Variants in HIVEP3 observed in about 807,000 individuals in gnomAD.
HIVEP3 encodes the protein transcription factor HIVEP3.
In HIVEP3, 49 loss-of-function variants were observed where a neutral mutation model predicts 152.8. The ratio of observed to expected loss-of-function variants is 0.32; its 90% CI spans 0.26 to 0.41. The LOEUF is 0.41. HIVEP3 is among the 10% of genes least tolerant of loss of function. The pLI is 1.00. For synonymous variants in HIVEP3, 1,269 were observed against 1,289.0 expected (o/e 0.98, Z 0.33); for missense variants, 2,790 against 3,103.3 (o/e 0.90, Z 2.40).
intron 1 of HIVEP3, among the ~76,000 whole-genome samples, chr1:41,827,101 C>T (rs541387694): frequency 3.3e-5 from 5 of 152,182 alleles, no homozygotes; most frequent in African/African-American, 7.2e-5. Flanking sequence ...ATGGTCACCA[C>T]GCTGCCCCAG....
intron 3 of HIVEP3, among the ~76,000 whole-genome samples, chr1:41,597,525 C>T (rs998146161): frequency 2.0e-5 from 3 of 152,158 alleles, no homozygotes; most frequent in African/African-American, 4.8e-5. Flanking sequence ...ACCCTTCAGG[C>T]GGGTACTATT....
chr1:41,636,959 C>CA (rs56258158), intron 2 of HIVEP3, among the ~76,000 whole-genome samples: 6,217 of 126,960 alleles, frequency 0.049, 503 homozygotes, highest in African/African-American at 0.16. Flanking sequence ...AACTCCATCT[C>CA]AAAAAAAAAA....
At chr1:41,516,855 CA>C (rs1011117015) in intron 7 of HIVEP3, among the ~76,000 whole-genome samples, 28 of 152,258 alleles carry the variant, frequency 1.8e-4, no homozygotes, top group Admixed American at 1.8e-3. Context: ...CCCTGTCTAG[CA>C]CAGCGGCCCT....
intron 2 of HIVEP3, among the ~76,000 whole-genome samples, chr1:41,636,930 G>A (rs1366053340): frequency 7.0e-6 from 1 of 142,202 alleles, no homozygotes; most frequent in Non-Finnish European, 1.5e-5. Flanking sequence ...TTGCACTCCA[G>A]CCTGGGCAAC....
At chr1:41,733,243 G>A (rs1646868393) in intron 1 of HIVEP3, among the ~76,000 whole-genome samples, 2 of 152,206 alleles carry the variant, frequency 1.3e-5, no homozygotes, top group African/African-American at 2.4e-5. Flanking sequence ...TGGGGAAGAT[G>A]AGAACACAAG....
At chr1:41,705,510 A>C (rs1234598207) in intron 1 of HIVEP3, among the ~76,000 whole-genome samples, 1 of 152,226 alleles carries the variant, frequency 6.6e-6, no homozygotes, top group East Asian at 1.9e-4. Context: ...ACTTCCAAAA[A>C]GGATGTGAGG....
At chr1:41,912,709 G>T (rs1268563367) in intron 1 of HIVEP3, among the ~76,000 whole-genome samples, 1 of 152,218 alleles carries the variant, frequency 6.6e-6, no homozygotes, top group Non-Finnish European at 1.5e-5. Flanking sequence ...CTCTTGCTAA[G>T]ATTTCAATGG....
At position 41,584,606 on chromosome 1, in the gene HIVEP3, TG is replaced by T; in HGVS notation, c.191del (p.Ser64Ter). The T allele has an allele frequency of 6.2e-7, 1 of 1,612,214 alleles. No individual in the cohort carries two copies. Among genetic ancestry groups the T allele is most frequent in the Non-Finnish European group, 8.5e-7 (1 of 1,178,728 alleles). ...TCTCCTGAGAGCCTTCCCTAAGAAC[TG>T]ATGAGGGGCCCGGGAAGGGCTGCGG... ...LAPQPFPGPSSVLREGSQEKT... is the reference protein window; with the variant it reads ...LAPQPFPGPSXVLREGSQEKT... On this transcript the variant is annotated frameshift_variant, in exon 4 of 9. Transcript: ENST00000372583. LOFTEE classifies it high-confidence loss of function. The surrounding 1 kb of genome is among the most constrained non-coding windows in gnomAD (Gnocchi z 5.2).
intron 5 of HIVEP3, among the ~76,000 whole-genome samples, chr1:41,536,345 CA>C (rs918473323): frequency 2.6e-5 from 4 of 152,150 alleles, no homozygotes; most frequent in African/African-American, 9.7e-5. Context: ...ACACGTCCAG[CA>C]CACCGACAGA....
chr1:41,659,047 A>G (rs1202568220), intron 2 of HIVEP3, among the ~76,000 whole-genome samples: 1 of 152,194 alleles, frequency 6.6e-6, no homozygotes, highest in Non-Finnish European at 1.5e-5. Context: ...AACCAGGAAG[A>G]TAAGTAGGTC....
intron 2 of HIVEP3, among the ~76,000 whole-genome samples, chr1:41,660,038 G>A (rs551779530): frequency 6.8e-4 from 104 of 152,362 alleles, no homozygotes; most frequent in African/African-American, 2.3e-3. Flanking sequence ...ATGGGAGTGG[G>A]TGTGTGTAGA....
At chr1:42,005,509 C>T (rs1645454262) in intron 1 of HIVEP3, among the ~76,000 whole-genome samples, 1 of 152,106 alleles carries the variant, frequency 6.6e-6, no homozygotes, top group Admixed American at 6.5e-5. Context: ...TTTGGGTGCA[C>T]AGCCTTCATT....
chr1:41,523,246 G>T (rs946934303), intron 6 of HIVEP3, among the ~76,000 whole-genome samples: 2 of 152,252 alleles, frequency 1.3e-5, no homozygotes, highest in African/African-American at 4.8e-5. Context: ...GGCGACGCAT[G>T]CTGGGCAGGG....
intron 1 of HIVEP3, among the ~76,000 whole-genome samples, chr1:41,716,425 G>A (rs1348487494): frequency 1.3e-5 from 2 of 152,188 alleles, no homozygotes; most frequent in African/African-American, 2.4e-5. Context: ...CCACCTATCA[G>A]CACTTCCCAC....
intron 3 of HIVEP3, among the ~76,000 whole-genome samples, chr1:41,608,491 G>A (rs564247927): frequency 4.6e-4 from 70 of 152,306 alleles, no homozygotes; most frequent in South Asian, 2.9e-3. Flanking sequence ...TGAAGAAGGC[G>A]GGGAGGGGTC....
intron 1 of HIVEP3, among the ~76,000 whole-genome samples, chr1:41,912,523 A>G (rs190567651): frequency 7.5e-4 from 115 of 152,334 alleles, no homozygotes; most frequent in African/African-American, 2.6e-3. Flanking sequence ...TTCTCCCCAG[A>G]CCACTCCAAA....
At chr1:41,531,609 T>G (rs1471633356) in intron 5 of HIVEP3, among the ~76,000 whole-genome samples, 1 of 31,782 alleles carries the variant, frequency 3.1e-5, no homozygotes, top group African/African-American at 1.2e-4. Flanking sequence ...ACAGGGGAGA[T>G]GGAGGACAGG....
intron 1 of HIVEP3, among the ~76,000 whole-genome samples, chr1:41,990,247 G>A: frequency 7.5e-6 from 1 of 133,604 alleles, no homozygotes; most frequent in African/African-American, 2.8e-5. Flanking sequence ...TTGAATATTG[G>A]CCCCCACTCT....
intron 3 of HIVEP3, among the ~76,000 whole-genome samples, chr1:41,627,635 A>C (rs1379372243): frequency 6.6e-6 from 1 of 152,102 alleles, no homozygotes; most frequent in Non-Finnish European, 1.5e-5. Flanking sequence ...CCCCTTCTCT[A>C]TACAGTGAGG....
Sources: gnomAD v4.1 joint callset for allele counts (sites outside exome capture counted in the v4.1 genomes callset) on GRCh38, gnomAD v4.1.1 for gene constraint, Gnocchi (gnomAD v3.1) non-coding constraint, MANE v1.5 for transcripts, NCBI Gene and HGNC (gene_info 2026-07-23, HGNC 2026-07-21) for gene names.